Variants in HYCC1 observed in about 807,000 individuals in gnomAD.
HYCC1 encodes hyccin.
At chr7:22,937,609 A>G in the HYCC1 span, 5 of 152,226 alleles carry the variant, frequency 3.3e-5, no homozygotes, top group Non-Finnish European at 2.9e-5. Flanking sequence ...AAAGACTTCT[A>G]TTGAATAGAA....
the HYCC1 span, chr7:22,945,338 A>G: frequency 3.7e-6 from 2 of 536,120 alleles, no homozygotes; most frequent in Non-Finnish European, 6.7e-6. Context: ...TAGGGCAACA[A>G]TAACAAATAA....
At chr7:22,962,426 GAA>G in the HYCC1 span, among the ~76,000 whole-genome samples, 1 of 151,996 alleles carries the variant, frequency 6.6e-6, no homozygotes, top group Non-Finnish European at 1.5e-5. Context: ...AGGCCTGAAG[GAA>G]AAGAGTAACC....
At chr7:22,931,084 C>G in the HYCC1 span, among the ~76,000 whole-genome samples, 1 of 151,906 alleles carries the variant, frequency 6.6e-6, no homozygotes, top group Non-Finnish European at 1.5e-5. Context: ...GAAATAGTGT[C>G]TCTGCAAATG....
chr7:22,976,654 T>C, the HYCC1 span: 5 of 1,212,580 alleles, frequency 4.1e-6, no homozygotes, highest in Admixed American at 6.7e-5. Flanking sequence ...CTTAAAAAAT[T>C]AGTGGATTAA....
At chr7:22,910,497 G>A in the HYCC1 span, among the ~76,000 whole-genome samples, 1 of 152,156 alleles carries the variant, frequency 6.6e-6, no homozygotes, top group Non-Finnish European at 1.5e-5. Context: ...TTCAGTCTCA[G>A]CAATGCAAAA....
the HYCC1 span, among the ~76,000 whole-genome samples, chr7:23,011,200 G>C: frequency 6.6e-6 from 1 of 152,102 alleles, no homozygotes; most frequent in Admixed American, 6.5e-5. Flanking sequence ...ATTTATGAGA[G>C]TCTGTTCTCT....
the HYCC1 span, chr7:22,945,431 C>A: frequency 1.5e-6 from 1 of 645,464 alleles, no homozygotes; most frequent in Non-Finnish European, 2.7e-6. Context: ...TTACTGCAAC[C>A]TAGACAATCT....
chr7:22,976,686 A>T, the HYCC1 span: 3 of 1,528,584 alleles, frequency 2.0e-6, no homozygotes, highest in Admixed American at 5.0e-5. Flanking sequence ...TTATCCCCAC[A>T]GTATACCGAT....
At chr7:22,931,664 A>G in the HYCC1 span, among the ~76,000 whole-genome samples, 1 of 151,884 alleles carries the variant, frequency 6.6e-6, no homozygotes, top group African/African-American at 2.4e-5. Context: ...CACTTTAGGT[A>G]ACACATATGT....
At chr7:22,989,285 A>AACACACACACACAC in the HYCC1 span, among the ~76,000 whole-genome samples, 7 of 148,692 alleles carry the variant, frequency 4.7e-5, no homozygotes, top group East Asian at 4.0e-4. Context: ...ACAAGCAGGA[A>AACACACACACACAC]ACACACACAC....
At chr7:22,960,187 A>T in the HYCC1 span, 7 of 1,482,078 alleles carry the variant, frequency 4.7e-6, no homozygotes, top group Non-Finnish European at 6.6e-6. Context: ...AAGTTATAGC[A>T]CCATAAGTAC....
chr7:22,979,792 C>T, the HYCC1 span, among the ~76,000 whole-genome samples: 2,417 of 152,088 alleles, frequency 0.016, 68 homozygotes, highest in African/African-American at 0.055. Flanking sequence ...GCTTTATAAC[C>T]CATTTAAAAT....
At chr7:22,903,682 A>G in the HYCC1 span, among the ~76,000 whole-genome samples, 23 of 152,352 alleles carry the variant, frequency 1.5e-4, no homozygotes, top group East Asian at 4.2e-3. Context: ...AAAATAAAGC[A>G]GGAGGAAACA....
chr7:22,927,911 A>G, the HYCC1 span, among the ~76,000 whole-genome samples: 1 of 152,252 alleles, frequency 6.6e-6, no homozygotes, highest in Non-Finnish European at 1.5e-5. Context: ...AATATCCTTG[A>G]TGAACATTGA....
chr7:22,989,189 T>C, the HYCC1 span, among the ~76,000 whole-genome samples: 2 of 151,028 alleles, frequency 1.3e-5, no homozygotes, highest in Non-Finnish European at 2.9e-5. Context: ...CTAGAAGAAA[T>C]AGCATTCAAC....
the HYCC1 span, among the ~76,000 whole-genome samples, chr7:22,899,241 A>G: frequency 6.6e-6 from 1 of 152,150 alleles, no homozygotes; most frequent in African/African-American, 2.4e-5. Context: ...CAGACTCCCC[A>G]TGCTGTCCCT....
chr7:22,993,401 C>T, the HYCC1 span, among the ~76,000 whole-genome samples: 1 of 152,244 alleles, frequency 6.6e-6, no homozygotes, highest in East Asian at 1.9e-4. Flanking sequence ...ATAAACTGGA[C>T]TTCCTTGAAA....
At chr7:22,972,074 AG>A in the HYCC1 span, among the ~76,000 whole-genome samples, 146 of 152,320 alleles carry the variant, frequency 9.6e-4, no homozygotes, top group Non-Finnish European at 1.6e-3. Flanking sequence ...CATAGCAAAC[AG>A]GTGAGAAAAA....
the HYCC1 span, among the ~76,000 whole-genome samples, chr7:22,923,614 T>C: frequency 2.6e-5 from 4 of 152,030 alleles, no homozygotes; most frequent in African/African-American, 9.7e-5. Context: ...AAGAAGTTTA[T>C]CTTTCAAAAA....
Sources: gnomAD v4.1 joint callset for allele counts (sites outside exome capture counted in the v4.1 genomes callset) on GRCh38, gnomAD v4.1.1 for gene constraint, MANE v1.5 for transcripts, NCBI Gene and HGNC (gene_info 2026-07-23, HGNC 2026-07-21) for gene names.